The following PARP1 variants were observed in gnomAD, a reference collection of about 807,000 sequenced individuals.
PARP1 encodes poly(ADP-ribose) polymerase 1, also known as poly [ADP-ribose] polymerase 1.
A neutral mutation model predicts 118.7 loss-of-function variants in PARP1; 44 were observed. The ratio of observed to expected loss-of-function variants is 0.37; its 90% CI spans 0.29 to 0.48. The LOEUF is 0.48. Among genes scored for constraint, PARP1 ranks in the 20% least tolerant of loss-of-function variants. The pLI is 0.99. For synonymous variants in PARP1, 492 were observed against 483.2 expected, an observed-to-expected ratio of 1.02 and a Z score of -0.24; for missense variants, 1,100 against 1,272.4, an observed-to-expected ratio of 0.86 and a Z score of 2.06.
At chr1:226,397,995 G>C (rs1347386271) in intron 2 of PARP1, among the ~76,000 whole-genome samples, 6 of 149,764 alleles carry the variant, frequency 4.0e-5, no homozygotes, top group Non-Finnish European at 8.9e-5. Context: ...AAGGAATCTA[G>C]ACACAGACCT....
intron 3 of PARP1, 34 bp from the exon 4 acceptor site, chr1:226,390,658 C>A (rs185418114): frequency 6.3e-7 from 1 of 1,591,502 alleles, no homozygotes; most frequent in South Asian, 1.1e-5. Flanking sequence ...ACCAAGGGAG[C>A]GACAAGCAAG....
At chr1:226,368,790 G>C (rs1664322199) in intron 15 of PARP1, among the ~76,000 whole-genome samples, 1 of 152,222 alleles carries the variant, frequency 6.6e-6, no homozygotes, top group Non-Finnish European at 1.5e-5. Context: ...AGTTTTTACT[G>C]TACCTGGAGG....
At chr1:226,372,324 C>T (rs115009642) in intron 14 of PARP1, among the ~76,000 whole-genome samples, 2,125 of 152,314 alleles carry the variant, frequency 0.014, 56 homozygotes, top group African/African-American at 0.047. Context: ...CAAGCAGCGC[C>T]CCTGTCCCTT....
rs761813404 is a variant in PARP1 at position 226,379,135 on chromosome 1, A to C, written c.1745+7T>G. ...CTGCACAACCAGGCTACACCTGCAG[A>C]ACTCACCTGTTTTCCTTGTCGTCCT... On this transcript the variant is annotated splice_region_variant and intron_variant, in intron 12 of 22. Coordinates refer to ENST00000366794, the MANE Select transcript of PARP1 (RefSeq NM_001618.4). The C allele has an allele frequency of 6.2e-7, 1 of 1,614,196 alleles. No homozygotes were observed.
chr1:226,383,526 A>AT (rs1441987660), intron 7 of PARP1, among the ~76,000 whole-genome samples: 1 of 152,234 alleles, frequency 6.6e-6, no homozygotes, highest in Non-Finnish European at 1.5e-5. Context: ...CCCTGGCCTC[A>AT]TTCCTGAGTT....
chr1:226,378,443 C>T (rs1237809922), intron 12 of PARP1, among the ~76,000 whole-genome samples: 2 of 151,510 alleles, frequency 1.3e-5, no homozygotes, highest in South Asian at 2.1e-4. Context: ...TCTTTAGTTA[C>T]TAGGGAGTTT....
At chr1:226,381,294 G>A in intron 8 of PARP1, 86 bp from the exon 9 acceptor site, 5 of 1,508,462 alleles carry the variant, frequency 3.3e-6, no homozygotes, top group Non-Finnish European at 4.6e-6. Context: ...GGTGAGCCAA[G>A]CAGCGAGCTC....
chr1:226,392,064 TC>T (rs1181657683), intron 3 of PARP1, 134 bp downstream of exon 3: 1 of 745,364 alleles, frequency 1.3e-6, no homozygotes, highest in African/African-American at 1.7e-5. Flanking sequence ...AATACTAATG[TC>T]TTCACTTTAT....
intron 2 of PARP1, among the ~76,000 whole-genome samples, chr1:226,393,384 T>G (rs1664855312): frequency 6.6e-6 from 1 of 152,222 alleles, no homozygotes; most frequent in South Asian, 2.1e-4. Context: ...GTCAATTATC[T>G]GCAATTTGAT....
At chr1:226,380,633 C>A (rs1664586275) in intron 9 of PARP1, among the ~76,000 whole-genome samples, 1 of 152,176 alleles carries the variant, frequency 6.6e-6, no homozygotes, top group Non-Finnish European at 1.5e-5. Flanking sequence ...ACAGGTTGAG[C>A]AGCTTCCCTT....
intron 13 of PARP1, among the ~76,000 whole-genome samples, chr1:226,376,124 A>G (rs532173989): frequency 8.7e-4 from 133 of 152,286 alleles, no homozygotes; most frequent in African/African-American, 3.1e-3. Context: ...TGGAGAGTTC[A>G]TGAGGCCCTC....
Position 226,380,082 on chromosome 1 carries a change from G to C in PARP1, c.1383C>G (p.Asp461Glu), listed in dbSNP as rs369942072. Residue 461 changes from aspartate (D) to glutamate (E), a missense_variant, in exon 10 of 23, where the codon GAC becomes GAG. Asp to Glu is a conservative substitution (Grantham distance 45). Coordinates refer to ENST00000366794, the MANE Select transcript of PARP1 (RefSeq NM_001618.4). Reference sequence around the variant, plus strand: ...GAAGGCTCTTGGTGGAGGCGGAGACGTCCTGGAGGAAGTCCTCAGACACAA... The same window carrying C: ...GAAGGCTCTTGGTGGAGGCGGAGACCTCCTGGAGGAAGTCCTCAGACACAA... ...IRVVSEDFLQ[D>E]VSASTKSLQE... The C allele has an allele frequency of 6.2e-7, 1 of 1,614,160 alleles. No homozygotes were observed. The highest frequency in any genetic ancestry group is 8.5e-7 in the Non-Finnish European group (1 of 1,180,018).
intron 4 of PARP1, among the ~76,000 whole-genome samples, chr1:226,389,948 C>A (rs1018161543): frequency 2.6e-5 from 4 of 152,142 alleles, no homozygotes; most frequent in Admixed American, 1.3e-4. Flanking sequence ...CATGCAAAAC[C>A]CTTATCATTC....
At chr1:226,378,990 A>G in intron 12 of PARP1, 152 bp downstream of exon 12, 1 of 825,918 alleles carries the variant, frequency 1.2e-6, no homozygotes, top group Non-Finnish European at 2.1e-6. Flanking sequence ...CCCTTTAAGC[A>G]AAGGCCTTAT....
At chr1:226,382,465 C>G (rs1664634643) in intron 8 of PARP1, among the ~76,000 whole-genome samples, 1 of 152,196 alleles carries the variant, frequency 6.6e-6, no homozygotes, top group African/African-American at 2.4e-5. Flanking sequence ...GGCTGTCGAC[C>G]TAGCCTTTCT....
At chr1:226,370,306 C>T (rs2271350) in intron 15 of PARP1, 128 bp downstream of exon 15, 7 of 774,806 alleles carry the variant, frequency 9.0e-6, no homozygotes, top group African/African-American at 3.4e-5. Flanking sequence ...TCGAAACCCT[C>T]GTGAAGTGCA....
chr1:226,363,212 A>G, intron 20 of PARP1, 52 bp from the exon 21 acceptor site: 1 of 1,235,284 alleles, frequency 8.1e-7, no homozygotes, highest in Admixed American at 1.7e-5. Flanking sequence ...GGCTCTCGAA[A>G]CCAACAGTTT....
Position 226,380,111 on chromosome 1 carries a change from G to T in PARP1, c.1354C>A (p.Arg452=), listed in dbSNP as rs139399785. 3.0e-4 allele frequency: 491 copies of T among 1,614,066 alleles called. No individual in the cohort carries two copies. The highest frequency in any genetic ancestry group is 6.2e-4 in the Admixed American group (37 of 60,026). Residue 452 remains arginine, a synonymous_variant, in exon 10 of 23, where the codon CGA becomes AGA. Coordinates refer to ENST00000366794, the MANE Select transcript of PARP1 (RefSeq NM_001618.4). ...KMEEVKEANI[R]VVSEDFLQDV... ...TGGAGGAAGTCCTCAGACACAACTC[G>T]GATGTTGGCTTCCTTTACTTCCTCC... is the stretch of plus-strand genomic sequence containing the variant.
At chr1:226,368,531 C>T (rs572346433) in intron 15 of PARP1, among the ~76,000 whole-genome samples, 1 of 152,202 alleles carries the variant, frequency 6.6e-6, no homozygotes, top group African/African-American at 2.4e-5. Context: ...CTGCTCAACA[C>T]GTGATGGGCT....
Sources: allele counts gnomAD v4.1 joint callset (sites outside exome capture counted in the v4.1 genomes callset), GRCh38; gene constraint gnomAD v4.1.1; transcripts MANE v1.5; gene names NCBI Gene and HGNC (gene_info 2026-07-23, HGNC 2026-07-21).